MAN1C1: variants seen among roughly 807,000 people sequenced by gnomAD.
MAN1C1 encodes the protein mannosyl-oligosaccharide 1,2-alpha-mannosidase IC.
Under a neutral mutation model 71.5 loss-of-function variants are expected in MAN1C1, and 49 were observed. The observed-to-expected ratio is 0.69, with a 90% CI of 0.54 to 0.87. MAN1C1 has a LOEUF of 0.87. Among genes scored for constraint, MAN1C1 ranks in the 40% least tolerant of loss-of-function variants. The pLI, the probability that MAN1C1 is intolerant of heterozygous loss-of-function variation, is 0.00. For synonymous variants in MAN1C1, 352 were observed against 343.7 expected, an observed-to-expected ratio of 1.02 and a Z score of -0.27; for missense variants, 743 against 835.0, an observed-to-expected ratio of 0.89 and a Z score of 1.36.
chr1:25,708,337 G>A (rs1333507465), intron 2 of MAN1C1, among the ~76,000 whole-genome samples: 1 of 152,204 alleles, frequency 6.6e-6, no homozygotes, highest in Non-Finnish European at 1.5e-5. Flanking sequence ...GCTGGTGGGA[G>A]TGCCTTTTAG....
rs144238820 is a variant in MAN1C1 at position 25,692,418 on chromosome 1, G to A, written c.637+5882G>A. 8.5e-4 allele frequency among the ~76,000 whole-genome samples: 130 copies of A among 152,154 alleles called. 1 individual carries two copies. Among genetic ancestry groups the A allele is most frequent in the African/African-American group, 3.0e-3 (126 of 41,508 alleles). On this transcript the variant is annotated intron_variant, in intron 2 of 11. Coordinates refer to ENST00000374332, the MANE Select transcript of MAN1C1 (RefSeq NM_020379.4). The stretch of plus-strand genomic sequence containing the variant: ...TATATTTCTTAATTAATTCAGACGG[G>A]GTCTTGCTGTGTTGCCTGGGCTGAT...
chr1:25,714,061 GAGTC>G (rs1339635253), intron 2 of MAN1C1, among the ~76,000 whole-genome samples: 2 of 152,244 alleles, frequency 1.3e-5, no homozygotes, highest in African/African-American at 2.4e-5. Flanking sequence ...GCGTAGCAGA[GAGTC>G]AGTTCAAATT....
intron 1 of MAN1C1, chr1:25,644,497 C>CATGTATATAT (rs1553182563): frequency 3.7e-5 from 3 of 80,140 alleles, no homozygotes; most frequent in African/African-American, 2.7e-4. Context: ...GTACCAGAGA[C>CATGTATATAT]ATATATATAT....
chr1:25,705,169 A>G (rs888608559), intron 2 of MAN1C1, among the ~76,000 whole-genome samples: 1 of 152,276 alleles, frequency 6.6e-6, no homozygotes, highest in Non-Finnish European at 1.5e-5. Context: ...ATTACAAACA[A>G]GAACCAGAAG....
intron 1 of MAN1C1, among the ~76,000 whole-genome samples, chr1:25,637,138 G>C (rs1193732261): frequency 6.6e-6 from 1 of 151,750 alleles, no homozygotes; most frequent in Non-Finnish European, 1.5e-5. Flanking sequence ...CTGGGCAACA[G>C]AGCAAACTCT....
chr1:25,783,547 C>T, intron 11 of MAN1C1, 116 bp from the exon 12 acceptor site: 1 of 1,228,612 alleles, frequency 8.1e-7, no homozygotes. Context: ...TTGCAAGGCT[C>T]CAGACCTTGA....
intron 1 of MAN1C1, among the ~76,000 whole-genome samples, chr1:25,650,909 CAAAGGCT>C (rs1256942027): frequency 6.6e-6 from 1 of 152,152 alleles, no homozygotes; most frequent in Admixed American, 6.5e-5. Flanking sequence ...GTTTTAATAG[CAAAGGCT>C]AAAGGGAGGC....
Position 25,778,086 on chromosome 1 carries a change from A to G in MAN1C1, c.1258-19A>G. ...CTCCCACGCCCCTTCTCCCTGCCCA[A>G]TCCCCACCTTGCTCCCAGGCGATAG... On this transcript the variant is annotated intron_variant, in intron 8 of 11. Transcript: ENST00000374332. The surrounding 1 kb of genome is among the most constrained non-coding windows in gnomAD (Gnocchi z 5.5). 6.5e-7 allele frequency: 1 copy of G among 1,530,138 alleles called. No individual in the cohort carries two copies. Among genetic ancestry groups the G allele is most frequent in the Non-Finnish European group, 8.8e-7 (1 of 1,133,406 alleles). 94.8% of individuals were successfully genotyped at this position (1,530,138 alleles called of 1,614,324 possible). A position where few individuals can be genotyped will look rare whatever the true frequency, so the allele number is the denominator to read the frequency against.
intron 2 of MAN1C1, among the ~76,000 whole-genome samples, chr1:25,718,638 T>C (rs1284223751): frequency 6.6e-6 from 1 of 152,156 alleles, no homozygotes; most frequent in African/African-American, 2.4e-5. Context: ...CCTCAGTCTC[T>C]ATATATTTGC....
At chr1:25,739,205 G>T (rs1024917831) in intron 2 of MAN1C1, among the ~76,000 whole-genome samples, 1 of 152,154 alleles carries the variant, frequency 6.6e-6, no homozygotes, top group East Asian at 1.9e-4. Flanking sequence ...ACAATGGTCT[G>T]CCCAGGTTCA....
At chr1:25,700,443 C>T (rs1361891698) in intron 2 of MAN1C1, among the ~76,000 whole-genome samples, 2 of 152,198 alleles carry the variant, frequency 1.3e-5, no homozygotes, top group Non-Finnish European at 1.5e-5. Flanking sequence ...ATAATTTCTT[C>T]AGTTTCTGCA....
chr1:25,709,927 G>A (rs1245440954), intron 2 of MAN1C1: 1 of 152,060 alleles, frequency 6.6e-6, no homozygotes, highest in Non-Finnish European at 1.5e-5. Context: ...TGTATTTTTA[G>A]TAGAGACAGG....
intron 8 of MAN1C1, 129 bp from the exon 9 acceptor site, chr1:25,777,976 C>T: frequency 4.3e-6 from 3 of 689,844 alleles, no homozygotes; most frequent in Non-Finnish European, 7.2e-6. Flanking sequence ...GCCTCCTTTG[C>T]CTGGGATGGA....
At chr1:25,728,829 G>A (rs1015285501) in intron 2 of MAN1C1, among the ~76,000 whole-genome samples, 3 of 152,188 alleles carry the variant, frequency 2.0e-5, no homozygotes, top group Admixed American at 2.0e-4. Context: ...GGGAACTGGT[G>A]CAGAATCGTT....
intron 8 of MAN1C1, among the ~76,000 whole-genome samples, chr1:25,774,734 C>T (rs921614557): frequency 2.0e-5 from 3 of 152,202 alleles, no homozygotes; most frequent in Non-Finnish European, 4.4e-5. Flanking sequence ...AGCTGAGATT[C>T]AAACCCAGGC....
At chr1:25,719,818 C>G (rs1339842236) in intron 2 of MAN1C1, among the ~76,000 whole-genome samples, 2 of 152,156 alleles carry the variant, frequency 1.3e-5, no homozygotes, top group Non-Finnish European at 2.9e-5. Flanking sequence ...CAGTTTCACT[C>G]TGTCACCTAG....
Position 25,749,308 on chromosome 1 carries a change from C to G in MAN1C1, c.807C>G (p.Leu269=). The G allele has an allele frequency of 6.2e-7, 1 of 1,612,210 alleles. No homozygotes were observed. The highest frequency in any genetic ancestry group is 8.5e-7 in the Non-Finnish European group (1 of 1,179,086). The part of the protein sequence containing the change: ...EVNIRYIGGL[L]SAFYLTGEEV... ...ACATCCGCTACATCGGGGGACTCCTCTCAGCCTTCTACCTGACAGGAGAAG... is the reference window on the plus strand; with the variant it reads ...ACATCCGCTACATCGGGGGACTCCTGTCAGCCTTCTACCTGACAGGAGAAG... The change falls in exon 4 of 12, where the codon CTC becomes CTG. Residue 269 remains leucine, a synonymous_variant. Coordinates refer to ENST00000374332, the MANE Select transcript of MAN1C1 (RefSeq NM_020379.4).
chr1:25,706,205 C>G (rs2124232979), intron 2 of MAN1C1, among the ~76,000 whole-genome samples: 1 of 152,288 alleles, frequency 6.6e-6, no homozygotes, highest in South Asian at 2.1e-4. Context: ...AGCTCTTTAC[C>G]CTGTGGTCTC....
intron 2 of MAN1C1, among the ~76,000 whole-genome samples, chr1:25,704,179 A>G (rs1234171167): frequency 6.6e-6 from 1 of 152,158 alleles, no homozygotes; most frequent in Non-Finnish European, 1.5e-5. Context: ...GCCTCTTTCT[A>G]GCCACCCAGC....
Sources: allele counts gnomAD v4.1 joint callset (sites outside exome capture counted in the v4.1 genomes callset), GRCh38; gene constraint gnomAD v4.1.1; non-coding constraint Gnocchi (gnomAD v3.1); transcripts MANE v1.5; gene names NCBI Gene and HGNC (gene_info 2026-07-23, HGNC 2026-07-21).